Variants in PRODH2 observed in about 807,000 individuals in gnomAD.
PRODH2 encodes the protein hydroxyproline dehydrogenase.
In PRODH2, 49 loss-of-function variants were observed where a neutral mutation model predicts 51.9. The ratio of observed to expected loss-of-function variants is 0.94; its 90% CI spans 0.75 to 1.20. The LOEUF is 1.20. Ranked by LOEUF, PRODH2 falls within the 50% of genes most tolerant of loss-of-function variation. The pLI, the probability that PRODH2 is intolerant of heterozygous loss-of-function variation, is 0.00. For synonymous variants in PRODH2, 249 were observed against 260.7 expected, an observed-to-expected ratio of 0.96 and a Z score of 0.43; for missense variants, 597 against 610.9, an observed-to-expected ratio of 0.98 and a Z score of 0.24.
chr19:35,811,457 A>G (rs143997862), intron 4 of PRODH2, among the ~76,000 whole-genome samples: 27 of 93,186 alleles, frequency 2.9e-4, no homozygotes, highest in African/African-American at 6.8e-4. Context: ...GGAAGGAAGG[A>G]AGGGAGGGAG....
intron 4 of PRODH2, among the ~76,000 whole-genome samples, chr19:35,809,945 C>CAAGA: frequency 9.6e-6 from 1 of 104,212 alleles, no homozygotes. Flanking sequence ...GGCAACAGAG[C>CAAGA]CAGATGCCGC....
chr19:35,811,848 G>T, intron 4 of PRODH2, 114 bp downstream of exon 4: 1 of 1,016,352 alleles, frequency 9.8e-7, no homozygotes, highest in Non-Finnish European at 1.5e-6. Flanking sequence ...CTGCACTTCT[G>T]CTGGCTGTTC....
chr19:35,802,800 G>A (rs1222949932), intron 8 of PRODH2, among the ~76,000 whole-genome samples, 168 bp downstream of exon 8: 2 of 151,220 alleles, frequency 1.3e-5, no homozygotes, highest in Admixed American at 1.3e-4. Flanking sequence ...CTCCACCTTC[G>A]CCTCCCAAAG....
rs767624815 is a variant in PRODH2 at position 35,812,835 on chromosome 19, G to T, written c.-30C>A. On this transcript the variant is annotated 5_prime_UTR_variant, in exon 1 of 10. Coordinates refer to ENST00000653904, the MANE Select transcript of PRODH2 (RefSeq NM_021232.2). ...GGTCCCTGGCTGCCTCCACACCAGG[G>T]AAGGTTCTCTGGAGGCAGCAAGTTC... The T allele has an allele frequency of 6.4e-7, 1 of 1,556,170 alleles. No homozygotes were observed. The highest frequency in any genetic ancestry group is 1.4e-5 in the African/African-American group (1 of 73,224).
intron 7 of PRODH2, among the ~76,000 whole-genome samples, chr19:35,805,348 C>A (rs1014690537): frequency 6.6e-6 from 1 of 152,098 alleles, no homozygotes; most frequent in Non-Finnish European, 1.5e-5. Context: ...CTCACTACAA[C>A]CTTTGCCTCC....
In PRODH2 at chr19:35,810,246, A is replaced by G. The variant is rs553156479; in HGVS notation, c.597+1716T>C. Among the ~76,000 whole-genome samples the G allele has an allele frequency of 2.2e-3, 326 of 146,832 alleles. 3 individuals carry two copies. Among genetic ancestry groups the G allele is most frequent in the East Asian group, 4.4e-3 (22 of 5,036 alleles). ...TGCACTCCAGCCTGGGCAACAGAGCAAGACTCTGTCTTAAAATAATAATAA... is the reference window on the plus strand; with the variant it reads ...TGCACTCCAGCCTGGGCAACAGAGCGAGACTCTGTCTTAAAATAATAATAA... On this transcript the variant is annotated intron_variant, in intron 4 of 9. Transcript: ENST00000653904.
At position 35,806,449 on chromosome 19, in the gene PRODH2, A is replaced by T. The variant is rs2146783218; in HGVS notation, c.982T>A (p.Tyr328Asn). The stretch of plus-strand genomic sequence containing the variant: ...GCCTACCTCTGACTGGTGGCCTCAT[A>T]GTCAGGCTGAGTGGGGTCTTCCATC... ...HGMEDPTQPD[Y>N]EATSQSYSRC... The change falls in exon 7 of 10, where the codon TAT becomes AAT. Residue 328 changes from tyrosine (Y) to asparagine (N), a missense_variant. Tyr to Asn is a moderately radical substitution (Grantham distance 143). Coordinates refer to ENST00000653904, the MANE Select transcript of PRODH2 (RefSeq NM_021232.2). 1 of 1,614,042 alleles carries T rather than the reference A, an allele frequency of 6.2e-7. No homozygotes were observed. Among genetic ancestry groups the T allele is most frequent in the East Asian group, 2.2e-5 (1 of 44,868 alleles).
intron 4 of PRODH2, among the ~76,000 whole-genome samples, chr19:35,809,159 CTCTT>C (rs944301292): frequency 1.5e-4 from 23 of 151,446 alleles, no homozygotes; most frequent in Non-Finnish European, 2.4e-4. Context: ...CTCCCTCCCT[CTCTT>C]TCTTTCTTCG....
In PRODH2 at chr19:35,806,470, C is replaced by T. The variant is rs1323354299; in HGVS notation, c.961G>A (p.Glu321Lys). The stretch of plus-strand genomic sequence containing the variant: ...TCATAGTCAGGCTGAGTGGGGTCTT[C>T]CATCCCATGGAGCTGGGCCACCGCT... ...ERAVAQLHGM[E>K]DPTQPDYEAT... is the part of the protein sequence containing the mutation. The change falls in exon 7 of 10, where the codon GAA becomes AAA. Residue 321 changes from glutamate to lysine, a missense_variant. Physicochemically the swap from Glu to Lys is moderately conservative, Grantham distance 56. Coordinates refer to ENST00000653904, the MANE Select transcript of PRODH2 (RefSeq NM_021232.2). 1 of 1,614,100 alleles carries T rather than the reference C, an allele frequency of 6.2e-7. No individual in the cohort carries two copies. The highest frequency in any genetic ancestry group is 2.2e-5 in the East Asian group (1 of 44,884).
chr19:35,811,864 C>T (rs1434000822), intron 4 of PRODH2, 98 bp downstream of exon 4: 2 of 1,206,154 alleles, frequency 1.7e-6, no homozygotes, highest in Admixed American at 4.1e-5. Flanking sequence ...TGTTCCAAGC[C>T]TGGAGGTGGC....
chr19:35,808,933 C>T (rs1972558503), intron 4 of PRODH2, among the ~76,000 whole-genome samples: 1 of 151,746 alleles, frequency 6.6e-6, no homozygotes, highest in South Asian at 2.1e-4. Context: ...GCACGTGCCA[C>T]CACTTCTGGA....
At chr19:35,804,987 T>C (rs73594416) in intron 7 of PRODH2, among the ~76,000 whole-genome samples, 4,918 of 152,052 alleles carry the variant, frequency 0.032, 245 homozygotes, top group African/African-American at 0.11. Context: ...AGGGCACATA[T>C]TGTATGATTC....
chr19:35,809,972 A>ACAAAAAAAC, intron 4 of PRODH2, among the ~76,000 whole-genome samples: 1 of 133,506 alleles, frequency 7.5e-6, no homozygotes, highest in South Asian at 2.4e-4. Context: ...AAAAAAAAAA[A>ACAAAAAAAC]AAAAAAAAAA....
intron 4 of PRODH2, among the ~76,000 whole-genome samples, chr19:35,811,421 A>G (rs1258547558): frequency 8.4e-6 from 1 of 118,430 alleles, no homozygotes; most frequent in South Asian, 3.6e-4. Flanking sequence ...GAGGAGAGAG[A>G]AGGAAGGAAG....
At chr19:35,802,050 T>C (rs1972439628) in intron 9 of PRODH2, 141 bp downstream of exon 9, 1 of 724,826 alleles carries the variant, frequency 1.4e-6, no homozygotes, top group Non-Finnish European at 2.4e-6. Context: ...GACACAGCCT[T>C]GGAAGGCCCA....
At chr19:35,804,008 A>G (rs1972471872) in intron 7 of PRODH2, among the ~76,000 whole-genome samples, 1 of 152,046 alleles carries the variant, frequency 6.6e-6, no homozygotes, top group Admixed American at 6.6e-5. Context: ...TTTGCCCCAC[A>G]TCCCCCATGG....
At chr19:35,810,024 T>C (rs957029507) in intron 4 of PRODH2, among the ~76,000 whole-genome samples, 57 of 134,764 alleles carry the variant, frequency 4.2e-4, no homozygotes, top group African/African-American at 1.5e-3. Flanking sequence ...TCCCAGCACT[T>C]TGGGAGGCTG....
chr19:35,807,368 T>C lies in PRODH2; in HGVS notation c.598-247A>G, dbSNP rs1202461557. Among the ~76,000 whole-genome samples the C allele has an allele frequency of 3.3e-5, 5 of 152,004 alleles. No individual in the cohort carries two copies. The East Asian group carries it at 9.7e-4, about 29-fold the overall frequency. ...CCCAGGCTGGAGTGCAGTGGCATGA[T>C]CTCAGCTCACTGCAACCTCTGCCTC... On this transcript the variant is annotated intron_variant, in intron 4 of 9. Transcript: ENST00000653904.
Position 35,812,202 on chromosome 19 carries a change from G to C in PRODH2, c.442C>G (p.Pro148Ala). Reference sequence around the variant, plus strand: ...AGGCTGGCCTCAGCCAGGCTGGGGGGCTCCAGGAGGCCCCGTGACAGGTCC... The same window carrying C: ...AGGCTGGCCTCAGCCAGGCTGGGGGCCTCCAGGAGGCCCCGTGACAGGTCC... The part of the protein sequence containing the change: ...CVDLSRGLLE[P>A]PSLAEASLMQ... The change falls in exon 3 of 10, where the codon CCC (proline) becomes GCC (alanine). Residue 148 changes from proline (P) to alanine (A), a missense_variant. Pro to Ala is a conservative substitution (Grantham distance 27, BLOSUM62 -1). Coordinates refer to ENST00000653904, the MANE Select transcript of PRODH2 (RefSeq NM_021232.2). 6.2e-7 allele frequency: 1 copy of C among 1,614,098 alleles called. No individual in the cohort carries two copies.
Sources: gnomAD v4.1 joint callset for allele counts (sites outside exome capture counted in the v4.1 genomes callset) on GRCh38, gnomAD v4.1.1 for gene constraint, MANE v1.5 for transcripts, NCBI Gene and HGNC (gene_info 2026-07-23, HGNC 2026-07-21) for gene names.